The following MPPED2 variants were observed in gnomAD, a reference collection of about 807,000 sequenced individuals.
The protein encoded by MPPED2 is metallophosphoesterase MPPED2.
In MPPED2, 5 loss-of-function variants were observed where a neutral mutation model predicts 33.0. The ratio of observed to expected loss-of-function variants is 0.15; its 90% CI spans 0.08 to 0.32. The LOEUF (loss-of-function observed/expected upper bound fraction) is 0.32. Among genes scored for constraint, MPPED2 ranks in the 10% least tolerant of loss-of-function variants. The probability of loss-of-function intolerance (pLI) is 1.00; values close to 1 mark genes in which losing one functional copy is unlikely to be tolerated. For synonymous variants in MPPED2, 136 were observed against 141.9 expected (o/e 0.96, Z 0.29); for missense variants, 275 against 372.1 (o/e 0.74, Z 2.15).
In MPPED2 at chr11:30,580,485, C is replaced by A; in HGVS notation, c.-112G>T. 1 of 1,446,596 alleles carries A rather than the reference C, an allele frequency of 6.9e-7. No homozygotes were observed. 89.6% of individuals were successfully genotyped at this position (1,446,596 alleles called of 1,614,324 possible). Reference sequence around the variant, plus strand: ...TCCAAGGATCTACTCATCAATACCGCTGTGCATTTCTGAAAGAAAAAAAAA... The same window carrying A: ...TCCAAGGATCTACTCATCAATACCGATGTGCATTTCTGAAAGAAAAAAAAA... On this transcript the variant is annotated 5_prime_UTR_variant, in exon 2 of 7. Coordinates refer to ENST00000358117, the MANE Select transcript of MPPED2 (RefSeq NM_001584.3).
chr11:30,583,511 G>C (rs549042615), intron 1 of MPPED2, among the ~76,000 whole-genome samples: 176 of 152,246 alleles, frequency 1.2e-3, no homozygotes, highest in Non-Finnish European at 2.0e-3. Flanking sequence ...ATTCATGCTG[G>C]TGCTAGTTTG....
At chr11:30,475,078 A>T (rs1231062597) in intron 4 of MPPED2, among the ~76,000 whole-genome samples, 1 of 152,206 alleles carries the variant, frequency 6.6e-6, no homozygotes, top group Non-Finnish European at 1.5e-5. Flanking sequence ...GATAGATATG[A>T]AATCTAGAAT....
chr11:30,580,209 G>T (rs761182953), intron 2 of MPPED2, 37 bp downstream of exon 2: 1 of 1,584,288 alleles, frequency 6.3e-7, no homozygotes, highest in Non-Finnish European at 8.6e-7. Context: ...TTATTTTCTT[G>T]ATTGCTAATT....
chr11:30,495,109 A>T (rs1590565229), intron 4 of MPPED2, 187 bp downstream of exon 4: 1 of 598,864 alleles, frequency 1.7e-6, no homozygotes, highest in Non-Finnish European at 3.0e-6. Context: ...GCCTAAAGGG[A>T]TCTCTATCAC....
intron 6 of MPPED2, among the ~76,000 whole-genome samples, chr11:30,394,764 A>AACTT (rs1486182860): frequency 1.3e-5 from 2 of 152,174 alleles, no homozygotes; most frequent in African/African-American, 4.8e-5. Flanking sequence ...AATGAAGTTC[A>AACTT]ACTTACAAAT....
At chr11:30,394,023 G>A (rs1947810960) in intron 6 of MPPED2, among the ~76,000 whole-genome samples, 1 of 152,170 alleles carries the variant, frequency 6.6e-6, no homozygotes. Context: ...CATACAAGTG[G>A]AATATATCTT....
chr11:30,451,795 C>A (rs140461615), intron 4 of MPPED2: 1 of 985,356 alleles, frequency 1.0e-6, no homozygotes, highest in African/African-American at 1.7e-5. Context: ...CAGGTGTCTG[C>A]GAATGACTGC....
chr11:30,545,026 T>C (rs1955334234), intron 2 of MPPED2, among the ~76,000 whole-genome samples: 1 of 152,184 alleles, frequency 6.6e-6, no homozygotes, highest in African/African-American at 2.4e-5. Flanking sequence ...TAAACAAGCA[T>C]GGCAGAAGCA....
chr11:30,445,557 C>T (rs1234652500), intron 4 of MPPED2, among the ~76,000 whole-genome samples: 2 of 152,152 alleles, frequency 1.3e-5, no homozygotes, highest in Admixed American at 6.5e-5. Flanking sequence ...CACTACCAAC[C>T]ATCTTCAAAA....
chr11:30,578,509 A>G (rs1021148074), intron 2 of MPPED2, among the ~76,000 whole-genome samples: 4 of 152,176 alleles, frequency 2.6e-5, no homozygotes, highest in African/African-American at 9.7e-5. Context: ...TTAAAGTTAC[A>G]TGATTTTTAA....
At chr11:30,584,341 T>TACAC (rs142791324) in intron 1 of MPPED2, 16,434 of 111,274 alleles carry the variant, frequency 0.15, 1,039 homozygotes, top group South Asian at 0.19. Context: ...CTTTATGAAC[T>TACAC]ACACACACAC....
intron 2 of MPPED2, among the ~76,000 whole-genome samples, chr11:30,550,275 T>C (rs1387858121): frequency 1.3e-5 from 2 of 152,190 alleles, no homozygotes; most frequent in Non-Finnish European, 2.9e-5. Flanking sequence ...AAAGAAATCA[T>C]TGTGTCTTTC....
chr11:30,462,813 GA>G (rs1950559882), intron 4 of MPPED2, among the ~76,000 whole-genome samples: 1 of 152,190 alleles, frequency 6.6e-6, no homozygotes, highest in Non-Finnish European at 1.5e-5. Flanking sequence ...AAAAAGTATG[GA>G]AAAGGGCACA....
At chr11:30,416,612 G>A (rs1948371013) in intron 5 of MPPED2, among the ~76,000 whole-genome samples, 1 of 152,126 alleles carries the variant, frequency 6.6e-6, no homozygotes, top group Admixed American at 6.6e-5. Flanking sequence ...ACTGAAAAAT[G>A]TGTTAAAAGG....
chr11:30,415,015 A>G (rs1948280198), intron 5 of MPPED2, among the ~76,000 whole-genome samples: 1 of 152,204 alleles, frequency 6.6e-6, no homozygotes, highest in African/African-American at 2.4e-5. Flanking sequence ...AATTATAGCA[A>G]AAGTCAGCTA....
At chr11:30,491,668 C>T (rs1951987495) in intron 4 of MPPED2, among the ~76,000 whole-genome samples, 1 of 152,208 alleles carries the variant, frequency 6.6e-6, no homozygotes, top group African/African-American at 2.4e-5. Flanking sequence ...AAGAAACTCA[C>T]CCAAGGTCCC....
intron 4 of MPPED2, among the ~76,000 whole-genome samples, chr11:30,425,882 C>T (rs1318747093): frequency 2.6e-5 from 4 of 152,138 alleles, no homozygotes; most frequent in Non-Finnish European, 2.9e-5. Flanking sequence ...AAAAGGGAGG[C>T]TTAACAGATG....
intron 1 of MPPED2, among the ~76,000 whole-genome samples, chr11:30,582,512 C>T (rs1957214697): frequency 6.6e-6 from 1 of 152,190 alleles, no homozygotes; most frequent in Non-Finnish European, 1.5e-5. Flanking sequence ...CTCTGAGTAA[C>T]AATCTCTGCA....
chr11:30,472,768 T>C (rs1002291922), intron 4 of MPPED2, among the ~76,000 whole-genome samples: 1 of 152,076 alleles, frequency 6.6e-6, no homozygotes, highest in Non-Finnish European at 1.5e-5. Flanking sequence ...AAGAAGGAAA[T>C]GGGAGCTAGA....
Sources: gnomAD v4.1 joint callset for allele counts (sites outside exome capture counted in the v4.1 genomes callset) on GRCh38, gnomAD v4.1.1 for gene constraint, MANE v1.5 for transcripts, NCBI Gene and HGNC (gene_info 2026-07-23, HGNC 2026-07-21) for gene names.